GALNTL5: variants seen among roughly 807,000 people sequenced by gnomAD.
The protein encoded by GALNTL5 is inactive polypeptide N-acetylgalactosaminyltransferase-like protein 5.
In GALNTL5, 44 loss-of-function variants were observed where a neutral mutation model predicts 51.0. The ratio of observed to expected loss-of-function variants is 0.86; its 90% CI spans 0.68 to 1.11. The LOEUF is 1.11. Ranked by LOEUF, GALNTL5 falls within the 50% of genes least tolerant of loss-of-function variation. The pLI is 0.00. For missense variants in GALNTL5, 528 were observed against 531.8 expected, an observed-to-expected ratio of 0.99 and a Z score of 0.07; for synonymous variants, 192 against 182.8, an observed-to-expected ratio of 1.05 and a Z score of -0.41.
At chr7:151,965,904 G>A (rs144961127) in intron 1 of GALNTL5, among the ~76,000 whole-genome samples, 57 of 152,072 alleles carry the variant, frequency 3.7e-4, no homozygotes, top group African/African-American at 1.3e-3. Flanking sequence ...AAGGGATACA[G>A]TAGGAGTTCT....
chr7:151,994,104 GC>G (rs909739102), intron 5 of GALNTL5, among the ~76,000 whole-genome samples: 9 of 152,098 alleles, frequency 5.9e-5, no homozygotes, highest in African/African-American at 2.2e-4. Context: ...ACTTCTCCTG[GC>G]CCTTTGCCAG....
chr7:151,994,764 T>G (rs1215960658), intron 5 of GALNTL5, among the ~76,000 whole-genome samples: 1 of 2,186 alleles, frequency 4.6e-4, no homozygotes, highest in African/African-American at 4.9e-4. Flanking sequence ...TACCCCCAAT[T>G]TTTTTTTTTT....
chr7:151,977,902 C>A (rs1425710558), intron 3 of GALNTL5, among the ~76,000 whole-genome samples: 3 of 152,000 alleles, frequency 2.0e-5, no homozygotes, highest in East Asian at 3.9e-4. Flanking sequence ...TAGTACCATA[C>A]CTTCTTTCTC....
chr7:152,000,564 A>G (rs2081562021), intron 5 of GALNTL5, among the ~76,000 whole-genome samples: 1 of 152,028 alleles, frequency 6.6e-6, no homozygotes, highest in Admixed American at 6.6e-5. Context: ...CAATTTCTCC[A>G]CCACCTCCCC....
intron 6 of GALNTL5, among the ~76,000 whole-genome samples, chr7:152,004,077 G>A (rs539724444): frequency 5.5e-4 from 83 of 151,898 alleles, no homozygotes; most frequent in Non-Finnish European, 8.8e-4. Context: ...AAATAAGCAC[G>A]GAGATATATA....
chr7:152,002,825 A>C lies in GALNTL5; in HGVS notation c.770A>C (p.Asp257Ala). Residue 257 changes from aspartate to alanine, a missense_variant, in exon 6 of 9, where the codon GAT (aspartate) becomes GCT (alanine). Asp to Ala is a moderately radical substitution (Grantham distance 126, BLOSUM62 -2). Coordinates refer to ENST00000392800, the MANE Select transcript of GALNTL5 (RefSeq NM_145292.4). Reference protein sequence around the residue: ...DPKMVVCPLIDVIDDRTLEYK... With the variant: ...DPKMVVCPLIAVIDDRTLEYK... ...AAAATGGTGGTGTGCCCCCTGATAG[A>C]TGTCATTGATGATAGAACTCTGGAG... 1.2e-6 allele frequency: 2 copies of C among 1,614,116 alleles called. 1 individual carries two copies. The highest frequency in any genetic ancestry group is 2.2e-5 in the South Asian group (2 of 91,082).
intron 6 of GALNTL5, among the ~76,000 whole-genome samples, chr7:152,006,607 C>T (rs2081646600): frequency 6.6e-6 from 1 of 152,118 alleles, no homozygotes; most frequent in Non-Finnish European, 1.5e-5. Context: ...ATTCTTATCC[C>T]GGATCCCATT....
intron 1 of GALNTL5, among the ~76,000 whole-genome samples, chr7:151,962,700 C>T (rs1250901030): frequency 2.6e-5 from 4 of 152,048 alleles, no homozygotes; most frequent in African/African-American, 4.8e-5. Flanking sequence ...CCTCCACCTC[C>T]CGGGTTCACA....
At chr7:152,009,084 T>C (rs1167961140) in intron 7 of GALNTL5, among the ~76,000 whole-genome samples, 1 of 152,238 alleles carries the variant, frequency 6.6e-6, no homozygotes, top group African/African-American at 2.4e-5. Flanking sequence ...GCCTGTCATA[T>C]CTTTTAAATA....
intron 3 of GALNTL5, among the ~76,000 whole-genome samples, chr7:151,978,883 C>T (rs1384171068): frequency 6.6e-6 from 1 of 152,146 alleles, no homozygotes; most frequent in African/African-American, 2.4e-5. Flanking sequence ...GCTCACCTTA[C>T]TAATTATCTC....
At chr7:151,962,328 A>G (rs1186751474) in intron 1 of GALNTL5, among the ~76,000 whole-genome samples, 1 of 151,272 alleles carries the variant, frequency 6.6e-6, no homozygotes, top group Non-Finnish European at 1.5e-5. Context: ...CGGAGTTCTT[A>G]GACTTCTATT....
In GALNTL5 at chr7:152,007,841, C is replaced by T; in HGVS notation, c.923C>T (p.Ser308Phe). 6.2e-7 allele frequency: 1 copy of T among 1,602,586 alleles called. No individual in the cohort carries two copies. The highest frequency in any genetic ancestry group is 8.5e-7 in the Non-Finnish European group (1 of 1,169,856). ...CCCCTTTCTAGGTCACCTGCAATGT[C>T]TGGAGGAATTTTTGCTATACGTCGG... ...STKPIRSPAM[S>F]GGIFAIRRHY... The change falls in exon 7 of 9, where the codon TCT (serine) becomes TTT (phenylalanine). Residue 308 changes from serine (S) to phenylalanine (F), a missense_variant. Physicochemically the swap from Ser to Phe is radical, Grantham distance 155. Coordinates refer to ENST00000392800, the MANE Select transcript of GALNTL5 (RefSeq NM_145292.4).
intron 1 of GALNTL5, among the ~76,000 whole-genome samples, chr7:151,958,827 G>A (rs1282450503): frequency 6.6e-6 from 1 of 152,200 alleles, no homozygotes; most frequent in Non-Finnish European, 1.5e-5. Flanking sequence ...GCAGAGAAGG[G>A]TTTTATTGAG....
chr7:152,002,965 T>A lies in GALNTL5; in HGVS notation c.908+2T>A, dbSNP rs781717439. 2.8e-5 allele frequency: 45 copies of A among 1,611,620 alleles called. No homozygotes were observed. Among genetic ancestry groups the A allele is most frequent in the Non-Finnish European group, 3.4e-6 (4 of 1,178,124 alleles). ...AGAAGGATCTACTAAACCAATCCGG[T>A]GAGATTTCTTCTGGTTTTGGAAAAA... On this transcript the variant is annotated splice_donor_variant, in intron 6 of 8. Coordinates refer to ENST00000392800, the MANE Select transcript of GALNTL5 (RefSeq NM_145292.4). LOFTEE classifies it high-confidence loss of function.
At chr7:151,982,324 G>A (rs1368326176) in intron 3 of GALNTL5, among the ~76,000 whole-genome samples, 1 of 152,134 alleles carries the variant, frequency 6.6e-6, no homozygotes, top group Non-Finnish European at 1.5e-5. Flanking sequence ...TGAGGCAGGA[G>A]AATCGCTTGA....
chr7:151,969,481 G>A (rs1037134824), intron 2 of GALNTL5, among the ~76,000 whole-genome samples: 5 of 152,164 alleles, frequency 3.3e-5, no homozygotes, highest in Admixed American at 2.6e-4. Context: ...TGGCGGTGAT[G>A]CAAGAGCGGG....
intron 6 of GALNTL5, among the ~76,000 whole-genome samples, 196 bp downstream of exon 6, chr7:152,003,159 A>G (rs1434717053): frequency 6.6e-6 from 1 of 152,208 alleles, no homozygotes; most frequent in South Asian, 2.1e-4. Flanking sequence ...ACGTGATATG[A>G]TATTTATCTT....
chr7:152,007,771 A>T (rs2081667933), intron 6 of GALNTL5, 56 bp from the exon 7 acceptor site: 1 of 988,910 alleles, frequency 1.0e-6, no homozygotes, highest in Non-Finnish European at 1.6e-6. Flanking sequence ...ATTTTGAGGA[A>T]ACTACAGAAT....
chr7:152,002,633 T>A, intron 5 of GALNTL5, 81 bp from the exon 6 acceptor site: 1 of 1,457,090 alleles, frequency 6.9e-7, no homozygotes, highest in Non-Finnish European at 9.4e-7. Flanking sequence ...TCAAGAAATA[T>A]TCATCACATT....
Sources: gnomAD v4.1 joint callset for allele counts (sites outside exome capture counted in the v4.1 genomes callset) on GRCh38, gnomAD v4.1.1 for gene constraint, MANE v1.5 for transcripts, NCBI Gene and HGNC (gene_info 2026-07-23, HGNC 2026-07-21) for gene names.